Variants in CMIP observed in about 807,000 individuals in gnomAD.
CMIP encodes the protein C-Maf-inducing protein.
Under a neutral mutation model 97.3 loss-of-function variants are expected in CMIP, and 13 were observed. The observed-to-expected ratio is 0.13, with a 90% CI of 0.09 to 0.21. The LOEUF (loss-of-function observed/expected upper bound fraction) is 0.21. CMIP is among the 10% of genes least tolerant of loss of function. The pLI is 1.00. For missense variants in CMIP, 847 were observed against 1,024.9 expected (o/e 0.83, Z 2.37); for synonymous variants, 538 against 436.3 (o/e 1.23, Z -2.91).
chr16:81,703,820 G>A lies in CMIP; in HGVS notation c.1945-119G>A, dbSNP rs958091441. Reference sequence around the variant, plus strand: ...CCCATCTCAGCTCCTGGGATTTACCGCCCCCCAGGAACAGCTCTCTGTAGG... The same window carrying A: ...CCCATCTCAGCTCCTGGGATTTACCACCCCCCAGGAACAGCTCTCTGTAGG... On this transcript the variant is annotated intron_variant, in intron 17 of 20. Coordinates refer to ENST00000537098, the MANE Select transcript of CMIP (RefSeq NM_198390.3). The A allele has an allele frequency of 1.1e-4, 149 of 1,334,564 alleles. 1 individual carries two copies. Among genetic ancestry groups the A allele is most frequent in the Middle Eastern group, 2.7e-4 (1 of 3,688 alleles). The allele number at this position is 1,334,564 out of a possible 1,614,324, so 82.7% of individuals were successfully genotyped here.
At chr16:81,550,820 C>A (rs1485432391) in intron 1 of CMIP, among the ~76,000 whole-genome samples, 2 of 151,750 alleles carry the variant, frequency 1.3e-5, no homozygotes, top group Non-Finnish European at 2.9e-5. Flanking sequence ...GTCCTAACCC[C>A]ATTCTGTGCC....
chr16:81,525,494 G>T (rs1399567274), intron 1 of CMIP, among the ~76,000 whole-genome samples: 8 of 151,914 alleles, frequency 5.3e-5, no homozygotes, highest in Non-Finnish European at 1.0e-4. Flanking sequence ...TACATATAAC[G>T]TAAGGTTTAC....
intron 1 of CMIP, among the ~76,000 whole-genome samples, chr16:81,560,155 A>AC (rs2090849472): frequency 1.5e-5 from 2 of 134,022 alleles, no homozygotes; most frequent in South Asian, 5.0e-4. Context: ...TTAAAAAAAA[A>AC]AAAAAAGAAA....
At chr16:81,477,378 C>T (rs1266015696) in intron 1 of CMIP, among the ~76,000 whole-genome samples, 1 of 152,168 alleles carries the variant, frequency 6.6e-6, no homozygotes, top group Non-Finnish European at 1.5e-5. Flanking sequence ...CCAGGCTCGT[C>T]TCGAACTCCT....
Position 81,680,815 on chromosome 16 carries a change from C to T in CMIP, c.1388+2187C>T, listed in dbSNP as rs1016883462. Among the ~76,000 whole-genome samples the T allele has an allele frequency of 1.7e-4, 26 of 152,336 alleles. 1 individual carries two copies. The highest frequency in any genetic ancestry group is 4.6e-4 in the African/African-American group (19 of 41,580). On this transcript the variant is annotated intron_variant, in intron 10 of 20. Coordinates refer to ENST00000537098, the MANE Select transcript of CMIP (RefSeq NM_198390.3). ...CAGGCCAGAGAGTGGCCCCGCTGTC[C>T]ACTCCAACTCCCCAGTTCCAGCTGG...
At chr16:81,462,908 C>G (rs1906978822) in intron 1 of CMIP, among the ~76,000 whole-genome samples, 1 of 152,156 alleles carries the variant, frequency 6.6e-6, no homozygotes, top group Admixed American at 6.5e-5. Flanking sequence ...AGAGTGACCA[C>G]AAACCCTTGA....
intron 1 of CMIP, among the ~76,000 whole-genome samples, chr16:81,581,792 G>T (rs907698532): frequency 2.0e-5 from 3 of 152,164 alleles, no homozygotes; most frequent in African/African-American, 7.2e-5. Context: ...GCAGAGCTGG[G>T]GTTGGGACCC....
At chr16:81,622,707 G>A (rs1450146183) in intron 3 of CMIP, among the ~76,000 whole-genome samples, 1 of 152,122 alleles carries the variant, frequency 6.6e-6, no homozygotes, top group Non-Finnish European at 1.5e-5. Context: ...TGTCAGGTGC[G>A]GTATCCCACA....
At chr16:81,702,779 G>T in intron 17 of CMIP, 110 bp downstream of exon 17, 1 of 941,560 alleles carries the variant, frequency 1.1e-6, no homozygotes, top group Non-Finnish European at 1.7e-6. Context: ...ATGGAGGGCG[G>T]GGCACAAGGA....
At chr16:81,605,538 A>C (rs1375669911) in intron 1 of CMIP, among the ~76,000 whole-genome samples, 1 of 152,190 alleles carries the variant, frequency 6.6e-6, no homozygotes, top group African/African-American at 2.4e-5. Flanking sequence ...CTGAGCCCCT[A>C]GGTGGACCTA....
intron 1 of CMIP, among the ~76,000 whole-genome samples, chr16:81,564,877 G>A (rs1597094137): frequency 6.6e-6 from 1 of 152,158 alleles, no homozygotes; most frequent in African/African-American, 2.4e-5. Flanking sequence ...TCGCAGAGGA[G>A]AACATGCGGG....
intron 19 of CMIP, among the ~76,000 whole-genome samples, chr16:81,706,411 A>G (rs964233064): frequency 8.5e-5 from 13 of 152,168 alleles, no homozygotes; most frequent in Admixed American, 6.5e-4. Context: ...GGAGCAGGTG[A>G]CTGGGTCAGT....
At chr16:81,484,335 G>A (rs1384255588) in intron 1 of CMIP, among the ~76,000 whole-genome samples, 2 of 152,238 alleles carry the variant, frequency 1.3e-5, no homozygotes, top group Non-Finnish European at 2.9e-5. Flanking sequence ...CGCCTGTGAA[G>A]GAGGCCTGGT....
At chr16:81,699,380 G>A (rs1907125351) in intron 14 of CMIP, among the ~76,000 whole-genome samples, 1 of 152,194 alleles carries the variant, frequency 6.6e-6, no homozygotes, top group Non-Finnish European at 1.5e-5. Flanking sequence ...CTGAGCTGGG[G>A]CTTATAGTTA....
chr16:81,527,956 C>T (rs907086334), intron 1 of CMIP, among the ~76,000 whole-genome samples: 1 of 152,172 alleles, frequency 6.6e-6, no homozygotes, highest in African/African-American at 2.4e-5. Flanking sequence ...GCATGAGTTG[C>T]CATTCGCTGG....
chr16:81,640,737 C>CGTGTGTGTGTGT (rs1567627570), intron 3 of CMIP, among the ~76,000 whole-genome samples: 12 of 76,038 alleles, frequency 1.6e-4, no homozygotes, highest in African/African-American at 4.7e-4. Context: ...CTCTCTGGAG[C>CGTGTGTGTGTGT]ATGTGTGTGT....
At chr16:81,610,711 G>A (rs889794302) in intron 2 of CMIP, among the ~76,000 whole-genome samples, 1 of 152,124 alleles carries the variant, frequency 6.6e-6, no homozygotes, top group African/African-American at 2.4e-5. Flanking sequence ...TATAAACAGG[G>A]CTAGCGAGTC....
At chr16:81,654,679 C>T (rs907349651) in intron 4 of CMIP, among the ~76,000 whole-genome samples, 8 of 152,160 alleles carry the variant, frequency 5.3e-5, no homozygotes, top group African/African-American at 1.9e-4. Flanking sequence ...TCCCAAGGAC[C>T]CTGCAAGGTA....
intron 1 of CMIP, chr16:81,519,882 G>A (rs117676092): frequency 1.1e-4 from 17 of 152,196 alleles, no homozygotes; most frequent in African/African-American, 1.7e-4. Flanking sequence ...GAATGGCGAC[G>A]AATGGGAAGT....
Sources: allele counts gnomAD v4.1 joint callset (sites outside exome capture counted in the v4.1 genomes callset), GRCh38; gene constraint gnomAD v4.1.1; transcripts MANE v1.5; gene names NCBI Gene and HGNC (gene_info 2026-07-23, HGNC 2026-07-21).